The following ZDHHC23 variants were observed in gnomAD, a reference collection of about 807,000 sequenced individuals.
ZDHHC23 encodes the protein zDHHC palmitoyltransferase 23.
Under a neutral mutation model 40.2 loss-of-function variants are expected in ZDHHC23, and 41 were observed. That is an observed-to-expected ratio of 1.02 (90% CI 0.79 to 1.32). ZDHHC23 has a LOEUF of 1.32. ZDHHC23 is among the 40% of genes most tolerant of loss of function. The pLI is 0.00. For missense variants in ZDHHC23, 471 were observed against 541.5 expected (o/e 0.87, Z 1.29); for synonymous variants, 204 against 210.2 (o/e 0.97, Z 0.26).
intron 4 of ZDHHC23, chr3:113,957,882 G>A (rs374633133): frequency 5.5e-5 from 28 of 506,300 alleles, no homozygotes; most frequent in African/African-American, 4.5e-4. Context: ...GTTGGGAGTC[G>A]TCCATCGTCT....
the ZDHHC23 span, among the ~76,000 whole-genome samples, chr3:113,975,749 A>C: frequency 6.6e-6 from 1 of 152,360 alleles, no homozygotes; most frequent in African/African-American, 2.4e-5. Flanking sequence ...GCTCTGAAGC[A>C]GAAGTGAGCT....
At chr3:113,952,291 C>G (rs1217897798) in intron 2 of ZDHHC23, among the ~76,000 whole-genome samples, 1 of 152,208 alleles carries the variant, frequency 6.6e-6, no homozygotes, top group Non-Finnish European at 1.5e-5. Context: ...GACACAAACA[C>G]AATTCCACTG....
Position 113,948,832 on chromosome 3 carries a change from G to A in ZDHHC23, c.30G>A (p.Val10=). ...CACAGAAGGGCAGTATGAAGCCTGT[G>A]AAGAAAAAGAAAACCGAAGAACCTG... MTQKGSMKP[V]KKKKTEEPEL... Residue 10 remains valine, a synonymous_variant, in exon 2 of 5, where the codon GTG becomes GTA. Transcript: ENST00000638807. 1 of 1,614,160 alleles carries A rather than the reference G, an allele frequency of 6.2e-7. No individual in the cohort carries two copies. The highest frequency in any genetic ancestry group is 1.1e-5 in the South Asian group (1 of 91,040).
At chr3:113,973,491 C>T in the ZDHHC23 span, among the ~76,000 whole-genome samples, 380 of 151,940 alleles carry the variant, frequency 2.5e-3, 2 homozygotes, top group African/African-American at 7.9e-3. Flanking sequence ...TAAGATGGGT[C>T]TGGTGGTGGT....
chr3:113,954,229 G>A lies in ZDHHC23; in HGVS notation c.691G>A (p.Gly231Ser). The A allele has an allele frequency of 6.2e-7, 1 of 1,614,204 alleles. No homozygotes were observed. The highest frequency in any genetic ancestry group is 1.1e-5 in the South Asian group (1 of 91,082). ...TKGFPGADMS[G>S]SLNNRTTKDD... ...AGGGTTCCCTGGGGCAGACATGTCGGGCAGTCTCAACAATCGCACAACAAA... is the reference window on the plus strand; with the variant it reads ...AGGGTTCCCTGGGGCAGACATGTCGAGCAGTCTCAACAATCGCACAACAAA... The change falls in exon 3 of 5, where the codon GGC becomes AGC. Residue 231 changes from glycine to serine, a missense_variant. Transcript: ENST00000638807.
chr3:113,960,397 A>G lies in ZDHHC23; in HGVS notation c.*1767A>G. 2 of 1,222,820 alleles carry G rather than the reference A, an allele frequency of 1.6e-6. No homozygotes were observed. Among genetic ancestry groups the G allele is most frequent in the Non-Finnish European group, 2.0e-6 (2 of 979,640 alleles). 75.7% of individuals were successfully genotyped at this position (1,222,820 alleles called of 1,614,324 possible). On this transcript the variant is annotated 3_prime_UTR_variant, in exon 5 of 5. Transcript: ENST00000638807. ...GGCCCAGAGCTGAATATTCATCTAG[A>G]ATTAAAGTTGGATTTGATATAACAA...
chr3:113,953,035 A>G (rs1170010692), intron 2 of ZDHHC23, among the ~76,000 whole-genome samples: 1 of 152,222 alleles, frequency 6.6e-6, no homozygotes. Flanking sequence ...ATATCATTCC[A>G]TTCACCAAGT....
downstream of ZDHHC23, chr3:113,964,527 C>T (rs6438176): frequency 0.99 from 151,036 of 152,362 alleles, 74,878 homozygotes; most frequent in Middle Eastern, 1. Context: ...CATGATAGAG[C>T]TATTACCTTT....
At chr3:113,956,113 G>A (rs111350673) in intron 3 of ZDHHC23, among the ~76,000 whole-genome samples, 10 of 152,236 alleles carry the variant, frequency 6.6e-5, no homozygotes, top group African/African-American at 2.2e-4. Flanking sequence ...ATGGTGGCAT[G>A]TGCCTGTAAT....
chr3:113,956,254 A>G (rs1577263685), intron 3 of ZDHHC23, 85 bp from the exon 4 acceptor site: 2 of 1,445,184 alleles, frequency 1.4e-6, no homozygotes, highest in Non-Finnish European at 1.9e-6. Flanking sequence ...CTCAAAAAAA[A>G]TAAAGCTTTC....
At chr3:113,950,378 G>A (rs903744137) in intron 2 of ZDHHC23, among the ~76,000 whole-genome samples, 2 of 152,126 alleles carry the variant, frequency 1.3e-5, no homozygotes, top group East Asian at 1.9e-4. Context: ...CAAGGCACTG[G>A]CAGATTCAGT....
At chr3:113,950,603 C>A (rs1328265857) in intron 2 of ZDHHC23, among the ~76,000 whole-genome samples, 5 of 152,190 alleles carry the variant, frequency 3.3e-5, no homozygotes, top group Non-Finnish European at 7.3e-5. Context: ...TGGAGGGACA[C>A]AGATACTTCC....
Position 113,953,722 on chromosome 3 carries a change from C to T in ZDHHC23, c.184C>T (p.Gln62Ter). Residue 62 changes from glutamine to a stop codon, truncating the protein, a stop_gained, in exon 3 of 5, where the codon CAG becomes TAG. Transcript: ENST00000638807. LOFTEE classifies it high-confidence loss of function. ...CDRWITCKSL[Q>*]PETCERIMDT... ...TAGATGGATTACATGTAAATCTTTA[C>T]AGCCAGAGACTTGTGAAAGAATCAT... is the stretch of plus-strand genomic sequence containing the variant. The T allele has an allele frequency of 1.2e-6, 2 of 1,613,574 alleles. No individual in the cohort carries two copies. Among genetic ancestry groups the T allele is most frequent in the Middle Eastern group, 1.7e-4 (1 of 6,054 alleles).
At chr3:113,969,065 G>C (rs980279885), downstream of ZDHHC23, among the ~76,000 whole-genome samples, 12 of 152,204 alleles carry the variant, frequency 7.9e-5, no homozygotes, top group African/African-American at 2.9e-4. Flanking sequence ...GGGGGAGGGA[G>C]GTGCCAGGTT....
rs1384335486 is a variant in ZDHHC23 at position 113,962,025 on chromosome 3, C to T, written c.*3395C>T. The T allele has an allele frequency of 6.6e-6, 1 of 152,550 alleles. No individual in the cohort carries two copies. Among genetic ancestry groups the T allele is most frequent in the Non-Finnish European group, 1.5e-5 (1 of 68,026 alleles). 9.4% of individuals were successfully genotyped at this position (152,550 alleles called of 1,614,324 possible). A position where few individuals can be genotyped will look rare whatever the true frequency, so the allele number is the denominator to read the frequency against. On this transcript the variant is annotated 3_prime_UTR_variant, in exon 5 of 5. Coordinates refer to ENST00000638807, the MANE Select transcript of ZDHHC23 (RefSeq NM_001320466.2). ...TTTATATGACCTAACTTAATTGTAGCCATATTCTGGTACCTTCCATTTTGA... is the reference window on the plus strand; with the variant it reads ...TTTATATGACCTAACTTAATTGTAGTCATATTCTGGTACCTTCCATTTTGA...
downstream of ZDHHC23, chr3:113,964,098 G>A (rs1391836161): frequency 6.6e-6 from 1 of 152,078 alleles, no homozygotes; most frequent in Non-Finnish European, 1.5e-5. Flanking sequence ...GGTACAGCTA[G>A]ATATCCTTTC....
intron 4 of ZDHHC23, among the ~76,000 whole-genome samples, chr3:113,957,014 C>T (rs1939289957): frequency 6.6e-6 from 1 of 152,114 alleles, no homozygotes; most frequent in Admixed American, 6.5e-5. Context: ...TTTTCCTGTT[C>T]TACTTTCTTT....
At chr3:113,976,547 T>G in the ZDHHC23 span, among the ~76,000 whole-genome samples, 1 of 151,702 alleles carries the variant, frequency 6.6e-6, no homozygotes, top group Admixed American at 6.6e-5. Flanking sequence ...CAAATGAATC[T>G]CTCAGCCTGT....
At chr3:113,954,921 A>G (rs1939027055) in intron 3 of ZDHHC23, among the ~76,000 whole-genome samples, 2 of 152,144 alleles carry the variant, frequency 1.3e-5, no homozygotes. Flanking sequence ...TAAACTCTCT[A>G]TTTGATTATT....
Sources: gnomAD v4.1 joint callset for allele counts (sites outside exome capture counted in the v4.1 genomes callset) on GRCh38, gnomAD v4.1.1 for gene constraint, MANE v1.5 for transcripts, NCBI Gene and HGNC (gene_info 2026-07-23, HGNC 2026-07-21) for gene names.